Variants in DLEU7 observed in about 807,000 individuals in gnomAD.
DLEU7 encodes deleted in lymphocytic leukemia 7, also known as leukemia-associated protein 7.
Under a neutral mutation model 16.0 loss-of-function variants are expected in DLEU7, and 17 were observed. The observed-to-expected ratio is 1.06, with a 90% CI of 0.73 to 1.59. The LOEUF (loss-of-function observed/expected upper bound fraction) is 1.59. Ranked by LOEUF, DLEU7 falls within the 40% of genes most tolerant of loss-of-function variation. DLEU7 has a pLI of 0.00. For synonymous variants in DLEU7, 113 were observed against 139.8 expected (o/e 0.81, Z 1.35); for missense variants, 308 against 314.9 (o/e 0.98, Z 0.17).
chr13:50,733,478 T>G lies in DLEU7; in HGVS notation c.460-20238A>C, dbSNP rs76677092. ...GGATTCACGGATCTTACCTGTATGT[T>G]TAGAATACATCCAAGTTCTTCTGGA... On this transcript the variant is annotated intron_variant, in intron 1 of 1. Transcript: ENST00000400393. Among the ~76,000 whole-genome samples, 488 of 152,252 alleles carry G rather than the reference T, an allele frequency of 3.2e-3. 11 individuals are homozygous for G. The highest frequency in any genetic ancestry group is 0.021 in the Admixed American group (327 of 15,282).
chr13:50,744,110 A>G (rs1381319824), intron 1 of DLEU7, among the ~76,000 whole-genome samples: 1 of 152,060 alleles, frequency 6.6e-6, no homozygotes, highest in African/African-American at 2.4e-5. Flanking sequence ...CAGCATGACC[A>G]CCAGAAGGCT....
intron 1 of DLEU7, among the ~76,000 whole-genome samples, chr13:50,737,132 G>C (rs911599122): frequency 1.3e-5 from 2 of 151,960 alleles, no homozygotes; most frequent in Non-Finnish European, 2.9e-5. Flanking sequence ...ATTTTGTGAG[G>C]TCAATAAAAC....
At chr13:50,795,920 G>T (rs1876095186) in intron 1 of DLEU7, among the ~76,000 whole-genome samples, 1 of 152,154 alleles carries the variant, frequency 6.6e-6, no homozygotes, top group African/African-American at 2.4e-5. Context: ...GTCAGAGTAT[G>T]ATTTTTCTTA....
intron 1 of DLEU7, among the ~76,000 whole-genome samples, chr13:50,722,654 C>T (rs1873654957): frequency 6.6e-6 from 1 of 152,174 alleles, no homozygotes. Flanking sequence ...GCTTGGCTAC[C>T]TTCACAGAAT....
intron 1 of DLEU7, among the ~76,000 whole-genome samples, chr13:50,734,252 G>C (rs1170973255): frequency 1.3e-5 from 2 of 152,042 alleles, no homozygotes; most frequent in African/African-American, 4.8e-5. Context: ...TAAAAGCAGT[G>C]AACTAAAGAA....
At chr13:50,809,665 T>G (rs906586256) in intron 1 of DLEU7, among the ~76,000 whole-genome samples, 1 of 152,136 alleles carries the variant, frequency 6.6e-6, no homozygotes, top group Non-Finnish European at 1.5e-5. Context: ...TAACCCAAGA[T>G]GGAAACACTT....
chr13:50,741,208 G>T (rs1874242397), intron 1 of DLEU7, among the ~76,000 whole-genome samples: 1 of 152,168 alleles, frequency 6.6e-6, no homozygotes, highest in African/African-American at 2.4e-5. Context: ...AAAGTTATTT[G>T]GAAGAAGCAG....
chr13:50,757,609 C>T (rs990590871), intron 1 of DLEU7, among the ~76,000 whole-genome samples: 10 of 152,212 alleles, frequency 6.6e-5, no homozygotes, highest in African/African-American at 2.2e-4. Flanking sequence ...ATTCGTCATG[C>T]TTGTTACTGC....
At chr13:50,825,208 T>C (rs1323714037) in intron 1 of DLEU7, among the ~76,000 whole-genome samples, 2 of 152,158 alleles carry the variant, frequency 1.3e-5, no homozygotes, top group Admixed American at 1.3e-4. Flanking sequence ...ATTGGCAAAA[T>C]TTTCTTGTTA....
chr13:50,719,068 A>G (rs549854553), intron 1 of DLEU7, among the ~76,000 whole-genome samples: 5 of 152,354 alleles, frequency 3.3e-5, no homozygotes, highest in African/African-American at 1.2e-4. Context: ...GAAACAGTAG[A>G]CATCAGCAAT....
chr13:50,776,948 A>T (rs1051496847), intron 1 of DLEU7, among the ~76,000 whole-genome samples: 1 of 152,148 alleles, frequency 6.6e-6, no homozygotes, highest in African/African-American at 2.4e-5. Flanking sequence ...AACATTTCAC[A>T]TGAAAATCCA....
intron 1 of DLEU7, among the ~76,000 whole-genome samples, chr13:50,785,673 CCTT>C (rs1258945447): frequency 1.3e-5 from 2 of 152,202 alleles, no homozygotes; most frequent in Non-Finnish European, 2.9e-5. Context: ...GGCATCACTT[CCTT>C]CTTCTCTGGG....
At chr13:50,820,610 A>G (rs1325065965), downstream of DLEU7, among the ~76,000 whole-genome samples, 1 of 152,184 alleles carries the variant, frequency 6.6e-6, no homozygotes, top group Admixed American at 6.6e-5. Flanking sequence ...AATCAGAAGC[A>G]AGCTCATCAG....
intron 1 of DLEU7, among the ~76,000 whole-genome samples, chr13:50,785,258 G>A (rs1875768182): frequency 6.6e-6 from 1 of 152,186 alleles, no homozygotes. Flanking sequence ...AATGAGGCCA[G>A]GCATTCACTA....
chr13:50,843,778 G>T, upstream of DLEU7: 1 of 1,231,476 alleles, frequency 8.1e-7, no homozygotes, highest in South Asian at 1.5e-5. This position sits in a 1 kb window ranked among gnomAD's most constrained non-coding sequence, Gnocchi z 5.7. Flanking sequence ...CAGCGTGTGT[G>T]GTCGGCCCCG....
chr13:50,717,847 A>G (rs891908822), intron 1 of DLEU7, among the ~76,000 whole-genome samples: 2 of 152,248 alleles, frequency 1.3e-5, no homozygotes, highest in African/African-American at 4.8e-5. Flanking sequence ...GCAAGCACCT[A>G]GAATGACATT....
intron 1 of DLEU7, among the ~76,000 whole-genome samples, chr13:50,806,500 G>A (rs1201525017): frequency 6.6e-6 from 1 of 152,028 alleles, no homozygotes; most frequent in Non-Finnish European, 1.5e-5. Context: ...TAAAAAACAT[G>A]TATTAGTAAG....
At position 50,833,207 on chromosome 13, in the gene DLEU7, G is replaced by A. The variant is rs148614384; in HGVS notation, c.460-9687C>T. Among the ~76,000 whole-genome samples, 152 of 152,252 alleles carry A rather than the reference G, an allele frequency of 1.0e-3. 3 individuals carry two copies. In the Middle Eastern group the frequency reaches 0.014, roughly 14 times the overall value. On this transcript the variant is annotated intron_variant, in intron 1 of 1. Transcript: ENST00000504404. Reference sequence around the variant, plus strand: ...TGGAAGTTCTGGCCAGGGCAATCACGCAAGAGAAAGAAATAAAGCGTATTC... The same window carrying A: ...TGGAAGTTCTGGCCAGGGCAATCACACAAGAGAAAGAAATAAAGCGTATTC...
chr13:50,793,126 C>T (rs1366203457), intron 1 of DLEU7, among the ~76,000 whole-genome samples: 1 of 151,886 alleles, frequency 6.6e-6, no homozygotes, highest in Non-Finnish European at 1.5e-5. Flanking sequence ...GAGAACATGC[C>T]ATATTTGGTT....
Sources: gnomAD v4.1 joint callset for allele counts (sites outside exome capture counted in the v4.1 genomes callset) on GRCh38, gnomAD v4.1.1 for gene constraint, Gnocchi (gnomAD v3.1) non-coding constraint, MANE v1.5 for transcripts, NCBI Gene and HGNC (gene_info 2026-07-23, HGNC 2026-07-21) for gene names.